LRRC4C: variants seen among roughly 807,000 people sequenced by gnomAD.
The protein encoded by LRRC4C is leucine rich repeat containing 4C, also known as leucine-rich repeat-containing protein 4C.
In LRRC4C, 5 loss-of-function variants were observed where a neutral mutation model predicts 33.6. The observed-to-expected ratio is 0.15, with a 90% CI of 0.08 to 0.31. The LOEUF (loss-of-function observed/expected upper bound fraction) is 0.31. Among genes scored for constraint, LRRC4C ranks in the 10% least tolerant of loss-of-function variants. LRRC4C has a pLI of 1.00. For synonymous variants in LRRC4C, 329 were observed against 302.0 expected (o/e 1.09, Z -0.93); for missense variants, 560 against 796.7 (o/e 0.70, Z 3.58).
chr11:40,438,173 C>T (rs564155343), intron 3 of LRRC4C, among the ~76,000 whole-genome samples: 1 of 152,300 alleles, frequency 6.6e-6, no homozygotes, highest in South Asian at 2.1e-4. Context: ...TGGTCTGGTC[C>T]CACTGCGGGC....
intron 1 of LRRC4C, among the ~76,000 whole-genome samples, chr11:41,298,837 C>G (rs1344518012): frequency 6.6e-6 from 1 of 151,806 alleles, no homozygotes; most frequent in Non-Finnish European, 1.5e-5. Flanking sequence ...TTGTTTTACA[C>G]TCTATGTTCA....
At chr11:40,553,876 C>T (rs949867247) in intron 3 of LRRC4C, among the ~76,000 whole-genome samples, 3 of 152,124 alleles carry the variant, frequency 2.0e-5, no homozygotes, top group African/African-American at 4.8e-5. Context: ...AATAGTTTCT[C>T]GCATTCTGTA....
intron 4 of LRRC4C, among the ~76,000 whole-genome samples, chr11:40,288,167 A>G (rs1250022902): frequency 1.3e-5 from 2 of 152,186 alleles, no homozygotes; most frequent in East Asian, 3.8e-4. Context: ...TGCATGTAAC[A>G]CACGTGGCCC....
chr11:41,393,109 T>C (rs180694994), intron 1 of LRRC4C, among the ~76,000 whole-genome samples: 1 of 152,046 alleles, frequency 6.6e-6, no homozygotes, highest in Admixed American at 6.6e-5. Flanking sequence ...ATAAGCAAAC[T>C]AACTTTGACA....
At chr11:41,342,146 C>G (rs1951661697) in intron 1 of LRRC4C, among the ~76,000 whole-genome samples, 2 of 151,430 alleles carry the variant, frequency 1.3e-5, no homozygotes, top group South Asian at 4.1e-4. Context: ...CTATTACTGA[C>G]CATTGGCTCC....
chr11:41,131,825 T>C (rs553656067), intron 1 of LRRC4C, among the ~76,000 whole-genome samples: 1 of 152,110 alleles, frequency 6.6e-6, no homozygotes, highest in East Asian at 1.9e-4. Context: ...TATAATGCAT[T>C]AGACTGTTAA....
At chr11:40,915,979 A>T (rs1335235520) in intron 2 of LRRC4C, among the ~76,000 whole-genome samples, 3 of 152,096 alleles carry the variant, frequency 2.0e-5, no homozygotes, top group Non-Finnish European at 2.9e-5. Flanking sequence ...GAGAAATGCA[A>T]ATCAAAACCA....
chr11:40,616,947 TATC>T (rs1961911171), intron 3 of LRRC4C, among the ~76,000 whole-genome samples: 1 of 151,110 alleles, frequency 6.6e-6, no homozygotes, highest in Admixed American at 6.6e-5. Flanking sequence ...AGAAAGAGAA[TATC>T]ATGTTTTATT....
chr11:40,475,179 A>G (rs1321410562), intron 3 of LRRC4C, among the ~76,000 whole-genome samples: 2 of 152,188 alleles, frequency 1.3e-5, no homozygotes, highest in African/African-American at 2.4e-5. Flanking sequence ...ACTATTCACA[A>G]TAACAAAGAC....
intron 2 of LRRC4C, among the ~76,000 whole-genome samples, chr11:40,906,842 A>C (rs1956442767): frequency 6.6e-6 from 1 of 152,188 alleles, no homozygotes; most frequent in African/African-American, 2.4e-5. Flanking sequence ...CACACAGAAA[A>C]AGAAAAGATA....
intron 3 of LRRC4C, among the ~76,000 whole-genome samples, chr11:40,371,629 C>T (rs1161540388): frequency 6.6e-6 from 1 of 152,078 alleles, no homozygotes; most frequent in South Asian, 2.1e-4. Flanking sequence ...TCTTATTGAG[C>T]CAACAACTAA....
intron 2 of LRRC4C, among the ~76,000 whole-genome samples, chr11:40,844,363 A>C (rs72900712): frequency 0.055 from 8,394 of 152,272 alleles, 279 homozygotes; most frequent in Non-Finnish European, 0.072. Flanking sequence ...TGGTTACTGG[A>C]ATGGGAATAT....
At chr11:40,546,080 TCCTA>T (rs1189112719) in intron 3 of LRRC4C, among the ~76,000 whole-genome samples, 1,363 of 61,448 alleles carry the variant, frequency 0.022, 15 homozygotes, top group African/African-American at 0.048. Context: ...CTTCCTTCCT[TCCTA>T]CCTTCCTTCC....
chr11:41,367,701 T>C (rs1468490054), intron 1 of LRRC4C, among the ~76,000 whole-genome samples: 2 of 152,140 alleles, frequency 1.3e-5, no homozygotes, highest in African/African-American at 2.4e-5. Flanking sequence ...ACACTCGGTA[T>C]GGGCTCCCTA....
In LRRC4C at chr11:41,076,627, A is replaced by G. The variant is rs532734165; in HGVS notation, c.-495-142904T>C. On this transcript the variant is annotated intron_variant, in intron 1 of 6. Transcript: ENST00000528697. ...TGGGCCCCACCTTCAATACCTGAGGATTACATTATTATATTTCATCTTTAT... is the reference window on the plus strand; with the variant it reads ...TGGGCCCCACCTTCAATACCTGAGGGTTACATTATTATATTTCATCTTTAT... Among the ~76,000 whole-genome samples the G allele has an allele frequency of 2.8e-4, 42 of 152,286 alleles. 1 individual carries two copies. The South Asian group carries it at 8.7e-3, about 32-fold the overall frequency.
intron 5 of LRRC4C, among the ~76,000 whole-genome samples, chr11:40,206,062 TAGAGCTCTTCA>T (rs1268456284): frequency 6.6e-6 from 1 of 152,156 alleles, no homozygotes; most frequent in Non-Finnish European, 1.5e-5. Flanking sequence ...ATCCTAGGCT[TAGAGCTCTTCA>T]AGGGCAAAGT....
chr11:40,465,791 A>G (rs1952622875), intron 3 of LRRC4C, among the ~76,000 whole-genome samples: 1 of 151,988 alleles, frequency 6.6e-6, no homozygotes, highest in Non-Finnish European at 1.5e-5. Flanking sequence ...GATGTTGGTG[A>G]GGATGCAAAC....
intron 2 of LRRC4C, among the ~76,000 whole-genome samples, chr11:40,766,377 A>AAAAG (rs1200200573): frequency 2.0e-5 from 3 of 149,152 alleles, no homozygotes; most frequent in Non-Finnish European, 3.0e-5. Flanking sequence ...AAAAAAAAAA[A>AAAAG]AAGAAGATAA....
chr11:41,243,473 T>G (rs1203288055), intron 1 of LRRC4C, among the ~76,000 whole-genome samples: 1 of 152,204 alleles, frequency 6.6e-6, no homozygotes, highest in African/African-American at 2.4e-5. Flanking sequence ...TTCCTCAATG[T>G]TAAGAAGACA....
Sources: gnomAD v4.1 joint callset for allele counts (sites outside exome capture counted in the v4.1 genomes callset) on GRCh38, gnomAD v4.1.1 for gene constraint, MANE v1.5 for transcripts, NCBI Gene and HGNC (gene_info 2026-07-23, HGNC 2026-07-21) for gene names.